SRRM4: variants seen among roughly 807,000 people sequenced by gnomAD.
SRRM4 encodes serine/arginine repetitive matrix 4, also known as serine/arginine repetitive matrix protein 4.
SRRM4 carries 33 observed loss-of-function variants against 68.9 expected under a neutral mutation model. That is an observed-to-expected ratio of 0.48 (90% CI 0.36 to 0.64). The LOEUF is 0.64. Ranked by LOEUF, SRRM4 falls within the 30% of genes least tolerant of loss-of-function variation. The probability of loss-of-function intolerance (pLI) is 0.00; values close to 1 mark genes in which losing one functional copy is unlikely to be tolerated. For synonymous variants in SRRM4, 318 were observed against 318.8 expected (o/e 1.00, Z 0.03); for missense variants, 817 against 827.1 (o/e 0.99, Z 0.15).
intron 1 of SRRM4, among the ~76,000 whole-genome samples, chr12:119,063,880 G>A (rs180733491): frequency 1.3e-5 from 2 of 152,158 alleles, no homozygotes; most frequent in African/African-American, 2.4e-5. Context: ...GAGAGATGGG[G>A]AAATTGAGAT....
chr12:119,103,307 G>A (rs375850506), intron 2 of SRRM4, among the ~76,000 whole-genome samples: 5 of 152,032 alleles, frequency 3.3e-5, no homozygotes, highest in East Asian at 1.9e-4. Flanking sequence ...TGTTTGTTGC[G>A]TAGGTAAACA....
At chr12:119,046,059 AAAT>A (rs899972014) in intron 1 of SRRM4, among the ~76,000 whole-genome samples, 10 of 151,136 alleles carry the variant, frequency 6.6e-5, no homozygotes, top group Admixed American at 1.3e-4. Flanking sequence ...ATAAAATTAA[AAAT>A]AATAATAATT....
intron 1 of SRRM4, among the ~76,000 whole-genome samples, chr12:119,026,301 C>T (rs572673423): frequency 2.6e-5 from 4 of 151,962 alleles, no homozygotes; most frequent in Non-Finnish European, 5.9e-5. Context: ...TTGACCTAGA[C>T]TTGGAAGGTG....
At position 119,151,163 on chromosome 12, in the gene SRRM4, C is replaced by T; in HGVS notation, c.1223C>T (p.Pro408Leu). ...TCCTCCAGTCACTCGTCCCGATCCCCAAATCCCAGGGCTTCCCCCAGGTAC... is the reference window on the plus strand; with the variant it reads ...TCCTCCAGTCACTCGTCCCGATCCCTAAATCCCAGGGCTTCCCCCAGGTAC... ...TRSSSHSSRSPNPRASPRYTQ... is the reference protein window; with the variant it reads ...TRSSSHSSRSLNPRASPRYTQ... The change falls in exon 10 of 13, where the codon CCA becomes CTA. Residue 408 changes from proline to leucine, a missense_variant. Physicochemically the swap from Pro to Leu is moderately conservative, Grantham distance 98. Transcript: ENST00000267260. 2 of 1,613,996 alleles carry T rather than the reference C, an allele frequency of 1.2e-6. No individual in the cohort carries two copies. Among genetic ancestry groups the T allele is most frequent in the Non-Finnish European group, 1.7e-6 (2 of 1,179,898 alleles).
intron 6 of SRRM4, chr12:119,124,108 A>T (rs11064673): frequency 0.17 from 25,521 of 152,202 alleles, 2,528 homozygotes; most frequent in Non-Finnish European, 0.22. Flanking sequence ...ATAGGTTATT[A>T]TGAAGAATAG....
intron 1 of SRRM4, among the ~76,000 whole-genome samples, chr12:119,039,763 T>A (rs1747420891): frequency 6.6e-6 from 1 of 152,210 alleles, no homozygotes; most frequent in Admixed American, 6.5e-5. Flanking sequence ...AAATGTGACC[T>A]GGTTCTGAGG....
At chr12:119,090,399 T>C (rs982570678) in intron 1 of SRRM4, among the ~76,000 whole-genome samples, 2 of 152,092 alleles carry the variant, frequency 1.3e-5, no homozygotes, top group African/African-American at 2.4e-5. Flanking sequence ...AGAAAAGATA[T>C]AGTTTCAACT....
intron 1 of SRRM4, among the ~76,000 whole-genome samples, chr12:119,016,868 A>G (rs913821112): frequency 1.3e-5 from 2 of 152,228 alleles, no homozygotes; most frequent in African/African-American, 4.8e-5. Context: ...CAGCTCTGCC[A>G]GTTCCTGGCT....
chr12:119,115,958 A>G (rs190082632), intron 3 of SRRM4, among the ~76,000 whole-genome samples: 4 of 152,140 alleles, frequency 2.6e-5, no homozygotes, highest in Non-Finnish European at 4.4e-5. Context: ...TCCTTTAGAA[A>G]AGGCAGGTGC....
chr12:119,068,220 C>A (rs572766100), intron 1 of SRRM4, among the ~76,000 whole-genome samples: 8 of 152,326 alleles, frequency 5.3e-5, no homozygotes, highest in African/African-American at 1.7e-4. Context: ...GCAGTGGTAA[C>A]CTAGGGCCTG....
At chr12:118,992,847 G>T (rs1472768500) in intron 1 of SRRM4, among the ~76,000 whole-genome samples, 1 of 152,164 alleles carries the variant, frequency 6.6e-6, no homozygotes, top group Non-Finnish European at 1.5e-5. Flanking sequence ...TAGTGCCAAA[G>T]CTGTAGCTAA....
chr12:119,020,204 C>A (rs80153537), intron 1 of SRRM4, among the ~76,000 whole-genome samples: 10,785 of 152,108 alleles, frequency 0.071, 435 homozygotes, highest in East Asian at 0.17. Flanking sequence ...ACTTAGTTCA[C>A]ATCCCCTTTA....
rs1184401286 is a variant in SRRM4, at chr12:119,162,763, T to G, written c.*5965T>G. Reference sequence around the variant, plus strand: ...TGCACCCCAAGGCCATTTCTCTGCATTGGAGGCTGCGAATCTCCTCTGGAA... The same window carrying G: ...TGCACCCCAAGGCCATTTCTCTGCAGTGGAGGCTGCGAATCTCCTCTGGAA... On this transcript the variant is annotated 3_prime_UTR_variant, in exon 13 of 13. Transcript: ENST00000267260. 6.6e-6 allele frequency: 1 copy of G among 152,210 alleles called. No individual in the cohort carries two copies. Among genetic ancestry groups the G allele is most frequent in the Admixed American group, 6.5e-5 (1 of 15,278 alleles). The allele number at this position is 152,210 out of a possible 1,614,324, so 9.4% of individuals were successfully genotyped here.
At chr12:119,088,542 T>A (rs1235399658) in intron 1 of SRRM4, among the ~76,000 whole-genome samples, 2 of 152,210 alleles carry the variant, frequency 1.3e-5, no homozygotes, top group Non-Finnish European at 2.9e-5. Context: ...ATCATCCTCA[T>A]CTTTAAAATG....
intron 1 of SRRM4, among the ~76,000 whole-genome samples, chr12:119,003,791 T>A (rs780031214): frequency 2.2e-4 from 34 of 152,164 alleles, no homozygotes; most frequent in African/African-American, 7.9e-4. Context: ...AGACCTCTTA[T>A]CTTCATGGCC....
At chr12:119,018,453 G>A (rs1321144032) in intron 1 of SRRM4, among the ~76,000 whole-genome samples, 3 of 152,064 alleles carry the variant, frequency 2.0e-5, no homozygotes, top group African/African-American at 7.2e-5. Context: ...CATTAATAAA[G>A]GAAGTTTCAG....
intron 1 of SRRM4, among the ~76,000 whole-genome samples, chr12:119,039,743 C>T (rs547849813): frequency 1.3e-4 from 20 of 152,322 alleles, no homozygotes; most frequent in African/African-American, 4.8e-4. Flanking sequence ...CTTGAGAAGG[C>T]TGCAGTAGAA....
chr12:119,137,605 AG>A (rs1334687225), intron 8 of SRRM4, among the ~76,000 whole-genome samples: 1 of 147,194 alleles, frequency 6.8e-6, no homozygotes, highest in East Asian at 2.1e-4. Flanking sequence ...AGAGAGAGAG[AG>A]AGAGAGAGAG....
At chr12:119,081,094 C>G (rs533012799) in intron 1 of SRRM4, among the ~76,000 whole-genome samples, 1 of 152,014 alleles carries the variant, frequency 6.6e-6, no homozygotes, top group African/African-American at 2.4e-5. Context: ...TTCAAAGATC[C>G]GAGAAATAGC....
Sources: allele counts gnomAD v4.1 joint callset (sites outside exome capture counted in the v4.1 genomes callset), GRCh38; gene constraint gnomAD v4.1.1; transcripts MANE v1.5; gene names NCBI Gene and HGNC (gene_info 2026-07-23, HGNC 2026-07-21).